ASRGL1: variants seen among roughly 807,000 people sequenced by gnomAD.
ASRGL1 encodes isoaspartyl peptidase/L-asparaginase.
In ASRGL1, 16 loss-of-function variants were observed where a neutral mutation model predicts 22.4. That is an observed-to-expected ratio of 0.71 (90% CI 0.48 to 1.08). The LOEUF (loss-of-function observed/expected upper bound fraction) is 1.08. Ranked by LOEUF, ASRGL1 falls within the 50% of genes least tolerant of loss-of-function variation. The probability of loss-of-function intolerance (pLI) is 0.00; values close to 1 mark genes in which losing one functional copy is unlikely to be tolerated. For synonymous variants in ASRGL1, 165 were observed against 159.3 expected (o/e 1.04, Z -0.27); for missense variants, 412 against 410.1 (o/e 1.00, Z -0.04).
At chr11:62,341,324 G>T (rs1252049482) in intron 2 of ASRGL1, among the ~76,000 whole-genome samples, 1 of 151,252 alleles carries the variant, frequency 6.6e-6, no homozygotes, top group Non-Finnish European at 1.5e-5. Flanking sequence ...TCAGCCTCTC[G>T]AGTAGCTGGG....
chr11:62,355,855 T>G (rs1946277570), intron 2 of ASRGL1, among the ~76,000 whole-genome samples: 2 of 152,096 alleles, frequency 1.3e-5, no homozygotes, highest in Non-Finnish European at 2.9e-5. Flanking sequence ...AGCATTTGTT[T>G]AACAAAGCAC....
intron 2 of ASRGL1, 75 bp from the exon 3 acceptor site, chr11:62,356,250 G>T (rs1346473411): frequency 1.9e-6 from 3 of 1,556,426 alleles, no homozygotes; most frequent in Middle Eastern, 1.9e-4. Context: ...CGGGCGGGGG[G>T]CTGACCCCCC....
chr11:62,388,279 T>C (rs543801794), intron 4 of ASRGL1, among the ~76,000 whole-genome samples: 1 of 152,238 alleles, frequency 6.6e-6, no homozygotes, highest in Non-Finnish European at 1.5e-5. Context: ...CATAATAAAA[T>C]GTTAGGGGAA....
At chr11:62,389,604 T>C in intron 5 of ASRGL1, 1 of 366,876 alleles carries the variant, frequency 2.7e-6, no homozygotes, top group Non-Finnish European at 5.3e-6. Flanking sequence ...GAGTAAGACT[T>C]ACTCCCGAGA....
At chr11:62,341,803 C>T (rs1945869843) in intron 2 of ASRGL1, among the ~76,000 whole-genome samples, 2 of 152,178 alleles carry the variant, frequency 1.3e-5, no homozygotes, top group Non-Finnish European at 2.9e-5. Context: ...AAACCAGTTA[C>T]ATTACTCTCC....
At chr11:62,400,289 G>A in the ASRGL1 span, among the ~76,000 whole-genome samples, 18 of 152,342 alleles carry the variant, frequency 1.2e-4, no homozygotes, top group Admixed American at 2.0e-4. Flanking sequence ...GGGTTGTTAT[G>A]AGGATTGATT....
intron 4 of ASRGL1, among the ~76,000 whole-genome samples, chr11:62,366,568 T>G (rs937707325): frequency 6.9e-6 from 1 of 144,420 alleles, no homozygotes; most frequent in African/African-American, 2.4e-5. Flanking sequence ...TACATTTGTT[T>G]ATGGGTTTTT....
At chr11:62,371,510 A>G in intron 4 of ASRGL1, 2 of 683,896 alleles carry the variant, frequency 2.9e-6, no homozygotes, top group Non-Finnish European at 5.3e-6. Flanking sequence ...TGAAGGCAGT[A>G]TGCTTGGTAA....
chr11:62,364,688 T>A (rs1003081062), intron 4 of ASRGL1, among the ~76,000 whole-genome samples: 1 of 152,188 alleles, frequency 6.6e-6, no homozygotes, highest in Admixed American at 6.5e-5. Flanking sequence ...ATCCTGCCAT[T>A]TGCAGCAACT....
rs1565149188 is a variant in ASRGL1 at position 62,338,116 on chromosome 11, G to T, written c.139G>T (p.Ala47Ser). ...CCGGGAGGGCGGGAGCGCCGTGGAT[G>T]CCGTAGAGGGAGCTGTCGTCGCCCT... is the stretch of plus-strand genomic sequence containing the variant. ...ILREGGSAVD[A>S]VEGAVVALED... Residue 47 changes from alanine to serine, a missense_variant, in exon 2 of 7, where the codon GCC (alanine) becomes TCC (serine). Transcript: ENST00000415229. The T allele has an allele frequency of 6.2e-7, 1 of 1,604,808 alleles. No individual in the cohort carries two copies. Among genetic ancestry groups the T allele is most frequent in the Non-Finnish European group, 8.5e-7 (1 of 1,176,088 alleles).
intron 4 of ASRGL1, chr11:62,372,576 A>T: frequency 2.3e-6 from 2 of 887,648 alleles, no homozygotes; most frequent in South Asian, 2.6e-5. Flanking sequence ...CAAAAGACAG[A>T]TTCTGCCTGT....
chr11:62,397,746 C>CAAA (rs985211342), downstream of ASRGL1, among the ~76,000 whole-genome samples: 29 of 151,540 alleles, frequency 1.9e-4, no homozygotes, highest in East Asian at 3.7e-3. Context: ...TATATTCTTG[C>CAAA]AGATCTTTTT....
intron 2 of ASRGL1, among the ~76,000 whole-genome samples, chr11:62,344,618 A>G (rs1022857146): frequency 2.0e-5 from 3 of 151,514 alleles, no homozygotes. Context: ...TTGTGGCTAC[A>G]TAGTAGGTGT....
intron 4 of ASRGL1, among the ~76,000 whole-genome samples, chr11:62,386,450 A>ATGTACATATCATACATATCATAGATC (rs1947206850): frequency 6.6e-6 from 1 of 152,192 alleles, no homozygotes; most frequent in Non-Finnish European, 1.5e-5. Flanking sequence ...TATCATAGAT[A>ATGTACATATCATACATATCATAGATC]TGTACATATC....
chr11:62,340,469 T>C (rs2513051), intron 2 of ASRGL1, among the ~76,000 whole-genome samples: 3,676 of 152,288 alleles, frequency 0.024, 179 homozygotes, highest in East Asian at 0.12. Flanking sequence ...CCCTCACTTA[T>C]TTACACAGGA....
intron 2 of ASRGL1, among the ~76,000 whole-genome samples, chr11:62,354,250 G>A (rs1374076387): frequency 6.6e-6 from 1 of 152,156 alleles, no homozygotes; most frequent in Non-Finnish European, 1.5e-5. Context: ...GGGTGCTAGT[G>A]GTAAAAACAA....
downstream of ASRGL1, among the ~76,000 whole-genome samples, chr11:62,396,545 T>G (rs558648186): frequency 6.6e-6 from 1 of 152,346 alleles, no homozygotes; most frequent in Admixed American, 6.5e-5. Flanking sequence ...CAGCCTTCCC[T>G]ATTTTCAAAT....
chr11:62,397,981 C>T (rs1169909693), downstream of ASRGL1, among the ~76,000 whole-genome samples: 1 of 151,996 alleles, frequency 6.6e-6, no homozygotes, highest in Non-Finnish European at 1.5e-5. Flanking sequence ...GGCCCCGGGC[C>T]CCTCGGCGTC....
intron 4 of ASRGL1, chr11:62,371,779 C>T (rs532442950): frequency 4.3e-6 from 2 of 470,492 alleles, no homozygotes; most frequent in Admixed American, 3.1e-5. Context: ...GGTGAAACCC[C>T]GTCTCTACTA....
Sources: allele counts gnomAD v4.1 joint callset (sites outside exome capture counted in the v4.1 genomes callset), GRCh38; gene constraint gnomAD v4.1.1; transcripts MANE v1.5; gene names NCBI Gene and HGNC (gene_info 2026-07-23, HGNC 2026-07-21).